LSAMP: variants seen among roughly 807,000 people sequenced by gnomAD.
LSAMP encodes the protein limbic system-associated membrane protein.
A neutral mutation model predicts 38.6 loss-of-function variants in LSAMP; 7 were observed. That is an observed-to-expected ratio of 0.18 (90% confidence interval 0.10 to 0.34). The LOEUF is 0.34. Ranked by LOEUF, LSAMP falls within the 10% of genes least tolerant of loss-of-function variation. The pLI, the probability that LSAMP is intolerant of heterozygous loss-of-function variation, is 1.00. For synonymous variants in LSAMP, 154 were observed against 166.8 expected (o/e 0.92, Z 0.59); for missense variants, 313 against 420.0 (o/e 0.75, Z 2.23).
At chr3:115,890,888 C>G (rs936585131) in intron 3 of LSAMP, among the ~76,000 whole-genome samples, 1 of 151,976 alleles carries the variant, frequency 6.6e-6, no homozygotes, top group African/African-American at 2.4e-5. Flanking sequence ...CTTAGAGGAT[C>G]TATCCAATTT....
At chr3:116,402,039 CA>C (rs1380433696) in intron 1 of LSAMP, among the ~76,000 whole-genome samples, 6 of 152,138 alleles carry the variant, frequency 3.9e-5, no homozygotes, top group Admixed American at 1.3e-4. Flanking sequence ...CATAGCAACC[CA>C]AACTAGAAAA....
chr3:116,333,020 G>T (rs1414443845), intron 1 of LSAMP, among the ~76,000 whole-genome samples: 2 of 151,978 alleles, frequency 1.3e-5, no homozygotes, highest in African/African-American at 4.8e-5. Flanking sequence ...GGGAGAAATA[G>T]ACAGTATACA....
At chr3:116,001,235 T>C (rs1576297210) in intron 3 of LSAMP, among the ~76,000 whole-genome samples, 1 of 152,180 alleles carries the variant, frequency 6.6e-6, no homozygotes, top group African/African-American at 2.4e-5. Context: ...TTTGTCATTT[T>C]TTGCATTACA....
chr3:115,824,016 T>C (rs1266269277), intron 6 of LSAMP, among the ~76,000 whole-genome samples: 1 of 152,190 alleles, frequency 6.6e-6, no homozygotes, highest in African/African-American at 2.4e-5. Context: ...ACTCTCAACA[T>C]AAAGAGAATG....
At chr3:116,105,177 G>A (rs74514904) in intron 1 of LSAMP, among the ~76,000 whole-genome samples, 1,654 of 143,818 alleles carry the variant, frequency 0.012, 25 homozygotes, top group African/African-American at 0.037. Context: ...TGACTAGGGG[G>A]AAAAAAAAAA....
At chr3:115,931,752 T>C (rs1361948511) in intron 3 of LSAMP, among the ~76,000 whole-genome samples, 1 of 152,246 alleles carries the variant, frequency 6.6e-6, no homozygotes, top group Non-Finnish European at 1.5e-5. Context: ...ACACCTTATC[T>C]TATTAACAGT....
intron 3 of LSAMP, among the ~76,000 whole-genome samples, chr3:115,938,711 G>A (rs938664253): frequency 3.3e-5 from 5 of 152,128 alleles, no homozygotes; most frequent in Non-Finnish European, 5.9e-5. Flanking sequence ...CTTTTTAAAT[G>A]TAGACATGTC....
intron 1 of LSAMP, among the ~76,000 whole-genome samples, chr3:116,266,879 CAAT>C (rs1383863496): frequency 6.6e-6 from 1 of 152,138 alleles, no homozygotes; most frequent in Non-Finnish European, 1.5e-5. Context: ...CTAATACTAA[CAAT>C]AATAATAGTA....
At chr3:116,432,230 C>A (rs1049543213) in intron 1 of LSAMP, among the ~76,000 whole-genome samples, 2 of 151,740 alleles carry the variant, frequency 1.3e-5, no homozygotes, top group Non-Finnish European at 2.9e-5. Flanking sequence ...TGTGACGTGA[C>A]CCAAGTTCAA....
At chr3:116,059,125 T>C (rs556626144) in intron 2 of LSAMP, among the ~76,000 whole-genome samples, 1 of 152,318 alleles carries the variant, frequency 6.6e-6, no homozygotes, top group South Asian at 2.1e-4. Flanking sequence ...TTAAAATTTC[T>C]ATGTCCAAAT....
chr3:116,011,938 C>A (rs1940338953), intron 3 of LSAMP, among the ~76,000 whole-genome samples: 1 of 152,132 alleles, frequency 6.6e-6, no homozygotes, highest in Non-Finnish European at 1.5e-5. Context: ...GGATCTAAAT[C>A]AGACCTACCC....
At chr3:115,827,546 T>G (rs1348710662) in intron 6 of LSAMP, among the ~76,000 whole-genome samples, 2 of 152,200 alleles carry the variant, frequency 1.3e-5, no homozygotes, top group African/African-American at 4.8e-5. Flanking sequence ...TGGTAATGTC[T>G]GGGTGCTAAT....
intron 2 of LSAMP, among the ~76,000 whole-genome samples, chr3:116,024,018 C>A (rs577648791): frequency 6.6e-6 from 1 of 152,120 alleles, no homozygotes; most frequent in East Asian, 1.9e-4. Context: ...TACTTGTTTA[C>A]GAAAGACCTT....
chr3:116,298,223 T>C (rs184240825), intron 1 of LSAMP, among the ~76,000 whole-genome samples: 107 of 152,330 alleles, frequency 7.0e-4, no homozygotes, highest in Non-Finnish European at 3.1e-4. Flanking sequence ...ACCTTCTGTC[T>C]AATTCTTCTC....
At chr3:116,031,538 C>CTTTTTTTTTTTTTTTTT (rs56951507) in intron 2 of LSAMP, among the ~76,000 whole-genome samples, 9 of 60,238 alleles carry the variant, frequency 1.5e-4, no homozygotes, top group Non-Finnish European at 2.2e-4. Context: ...AGCCTAAATT[C>CTTTTTTTTTTTTTTTTT]TTTTTTTTTT....
chr3:116,214,225 CAAAAT>C (rs796728543), intron 1 of LSAMP, among the ~76,000 whole-genome samples: 25 of 152,244 alleles, frequency 1.6e-4, no homozygotes, highest in African/African-American at 5.8e-4. Context: ...AATTATGACT[CAAAAT>C]AAAGTTGTTT....
chr3:115,871,595 G>T (rs539924008), intron 3 of LSAMP, among the ~76,000 whole-genome samples: 11 of 144,486 alleles, frequency 7.6e-5, no homozygotes, highest in Non-Finnish European at 1.3e-4. Context: ...GTGTGTGTGT[G>T]TGTGTGTGTG....
intron 3 of LSAMP, among the ~76,000 whole-genome samples, chr3:115,955,879 T>C (rs748784701): frequency 8.5e-5 from 13 of 152,262 alleles, no homozygotes; most frequent in Admixed American, 4.6e-4. Context: ...CATTTAAACA[T>C]TTGGGCAGAT....
chr3:116,328,852 A>C (rs1227688075), intron 1 of LSAMP, among the ~76,000 whole-genome samples: 1 of 152,190 alleles, frequency 6.6e-6, no homozygotes, highest in African/African-American at 2.4e-5. Context: ...TATACTTATA[A>C]AAATTAACAG....
Sources: allele counts gnomAD v4.1 joint callset (sites outside exome capture counted in the v4.1 genomes callset), GRCh38; gene constraint gnomAD v4.1.1; transcripts MANE v1.5; gene names NCBI Gene and HGNC (gene_info 2026-07-23, HGNC 2026-07-21).